CACNG2: variants seen among roughly 807,000 people sequenced by gnomAD.
CACNG2 encodes calcium voltage-gated channel auxiliary subunit gamma 2, also known as voltage-dependent calcium channel gamma-2 subunit.
In CACNG2, 3 loss-of-function variants were observed where a neutral mutation model predicts 25.9. The ratio of observed to expected loss-of-function variants is 0.12; its 90% CI spans 0.05 to 0.30. The LOEUF is 0.30. Among genes scored for constraint, CACNG2 ranks in the 10% least tolerant of loss-of-function variants. The probability of loss-of-function intolerance (pLI) is 1.00; values close to 1 mark genes in which losing one functional copy is unlikely to be tolerated. For missense variants in CACNG2, 341 were observed against 432.5 expected, an observed-to-expected ratio of 0.79 and a Z score of 1.88; for synonymous variants, 167 against 173.3, an observed-to-expected ratio of 0.96 and a Z score of 0.29.
In CACNG2 at chr22:36,561,990, C is replaced by T. The variant is rs897876013; in HGVS notation, c.*2361G>A. On this transcript the variant is annotated 3_prime_UTR_variant, in exon 4 of 4. Coordinates refer to ENST00000300105, the MANE Select transcript of CACNG2 (RefSeq NM_006078.5). ...CAGACCCCCAAAGACACTGGGGAAG[C>T]CCTGGTGGCAGAGCTCTTCTCCCAA... 1 of 152,284 alleles carries T rather than the reference C, an allele frequency of 6.6e-6. No homozygotes were observed. Among genetic ancestry groups the T allele is most frequent in the African/African-American group, 2.4e-5 (1 of 41,446 alleles). The allele number at this position is 152,284 out of a possible 1,614,324, so 9.4% of individuals were successfully genotyped here.
Position 36,564,619 on chromosome 22 carries a change from C to A in CACNG2, c.704G>T (p.Arg235Leu), listed in dbSNP as rs1471422099. The change falls in exon 4 of 4, where the codon CGC becomes CTC. Residue 235 changes from arginine to leucine, a missense_variant. By Grantham distance (102) the Arg-to-Leu change is moderately radical (BLOSUM62 -2). Transcript: ENST00000300105. This position sits in a 1 kb window ranked among gnomAD's most constrained non-coding sequence, Gnocchi z 6.7. ...RIPSYRYRYQ[R>L]RSRSSSRSTE... ...GGAGCGCGAGCTGGAGCGGCTGCGG[C>A]GCTGGTAGCGGTAGCGGTAGCTGGG... is the stretch of plus-strand genomic sequence containing the variant. 6.2e-7 allele frequency: 1 copy of A among 1,613,818 alleles called. No homozygotes were observed. Among genetic ancestry groups the A allele is most frequent in the South Asian group, 1.1e-5 (1 of 91,068 alleles).
chr22:36,629,934 C>T (rs764195037), intron 1 of CACNG2, among the ~76,000 whole-genome samples: 3 of 152,130 alleles, frequency 2.0e-5, no homozygotes, highest in Non-Finnish European at 4.4e-5. Context: ...GGCATGGGGG[C>T]GTAAAGGTAG....
intron 1 of CACNG2, among the ~76,000 whole-genome samples, chr22:36,631,125 G>A (rs533538846): frequency 1.6e-4 from 24 of 152,230 alleles, no homozygotes; most frequent in Admixed American, 1.1e-3. Flanking sequence ...CACCGTACCC[G>A]GCCCTCTTGA....
At chr22:36,614,702 T>A (rs1392414219) in intron 1 of CACNG2, among the ~76,000 whole-genome samples, 1 of 152,116 alleles carries the variant, frequency 6.6e-6, no homozygotes, top group Non-Finnish European at 1.5e-5. Flanking sequence ...TGTGATGCCA[T>A]AATCAATTTT....
At chr22:36,696,302 TC>T (rs1937339860) in intron 1 of CACNG2, among the ~76,000 whole-genome samples, 1 of 152,202 alleles carries the variant, frequency 6.6e-6, no homozygotes, top group Admixed American at 6.5e-5. Context: ...GTTCAGTCTC[TC>T]TTCCTCTCTC....
In CACNG2 at chr22:36,631,839, G is replaced by A. The variant is rs1256578477; in HGVS notation, c.212-44291C>T. 5.9e-5 allele frequency among the ~76,000 whole-genome samples: 9 copies of A among 151,914 alleles called. No homozygotes were observed. The East Asian group carries it at 9.7e-4, about 16-fold the overall frequency. On this transcript the variant is annotated intron_variant, in intron 1 of 3. Coordinates refer to ENST00000300105, the MANE Select transcript of CACNG2 (RefSeq NM_006078.5). ...ATGAGGGCCAGCGGGACAACCAGAT[G>A]GATCTTCCAGCAGAGACATGGGCTC...
In CACNG2 at chr22:36,606,308, T is replaced by C. The variant is rs1335114011; in HGVS notation, c.212-18760A>G. ...GCTGGTCGCCGGGAACAAGCTGCCA[T>C]GAGCCAGGCATGGGGCCAAGCACTT... On this transcript the variant is annotated intron_variant, in intron 1 of 3. Transcript: ENST00000300105. The surrounding 1 kb of genome is among the most constrained non-coding windows in gnomAD (Gnocchi z 5.7). Among the ~76,000 whole-genome samples, 1 of 152,200 alleles carries C rather than the reference T, an allele frequency of 6.6e-6. No individual in the cohort carries two copies. Among genetic ancestry groups the C allele is most frequent in the African/African-American group, 2.4e-5 (1 of 41,458 alleles).
Position 36,564,339 on chromosome 22 carries a change from G to A in CACNG2, c.*12C>T. 6.2e-7 allele frequency: 1 copy of A among 1,609,516 alleles called. No individual in the cohort carries two copies. Among genetic ancestry groups the A allele is most frequent in the East Asian group, 2.2e-5 (1 of 44,776 alleles). ...CCCTCCTCCCGCGGTCTTCTGGCGAGGCCCGCGGTCTTTATACGGGGGTGG... is the reference window on the plus strand; with the variant it reads ...CCCTCCTCCCGCGGTCTTCTGGCGAAGCCCGCGGTCTTTATACGGGGGTGG... On this transcript the variant is annotated 3_prime_UTR_variant, in exon 4 of 4. Transcript: ENST00000300105. The surrounding 1 kb of genome is among the most constrained non-coding windows in gnomAD (Gnocchi z 6.7).
At chr22:36,650,021 C>T (rs1857119008) in intron 1 of CACNG2, among the ~76,000 whole-genome samples, 1 of 152,216 alleles carries the variant, frequency 6.6e-6, no homozygotes, top group Admixed American at 6.5e-5. Context: ...TGTGGCTATC[C>T]CAGTCCACAC....
intron 1 of CACNG2, among the ~76,000 whole-genome samples, chr22:36,641,966 G>C (rs1936447978): frequency 6.6e-6 from 1 of 152,212 alleles, no homozygotes; most frequent in African/African-American, 2.4e-5. Flanking sequence ...CTTCTAACAA[G>C]ACCAGAGCTG....
intron 1 of CACNG2, among the ~76,000 whole-genome samples, chr22:36,653,789 G>A (rs1397324377): frequency 6.6e-6 from 1 of 152,162 alleles, no homozygotes; most frequent in African/African-American, 2.4e-5. Context: ...GACCAGGAGG[G>A]CATGGGCAAG....
In CACNG2 at chr22:36,564,712, C is replaced by T. The variant is rs1169099240; in HGVS notation, c.611G>A (p.Arg204Gln). ...GVLAVHMFIDRHKQLRATARA... is the reference protein window; with the variant it reads ...GVLAVHMFIDQHKQLRATARA... ...GGCCGTGGCCCGCAGCTGTTTGTGC[C>T]GGTCGATAAACATGTGCACCGCCAG... is the stretch of plus-strand genomic sequence containing the variant. The change falls in exon 4 of 4, where the codon CGG becomes CAG. Residue 204 changes from arginine (R) to glutamine (Q), a missense_variant. By Grantham distance (43) the Arg-to-Gln change is conservative (BLOSUM62 1). Coordinates refer to ENST00000300105, the MANE Select transcript of CACNG2 (RefSeq NM_006078.5). This position sits in a 1 kb window ranked among gnomAD's most constrained non-coding sequence, Gnocchi z 6.7. 6.2e-7 allele frequency: 1 copy of T among 1,614,108 alleles called. No homozygotes were observed. Among genetic ancestry groups the T allele is most frequent in the Non-Finnish European group, 8.5e-7 (1 of 1,180,030 alleles).
chr22:36,653,057 C>T (rs1029908777), intron 1 of CACNG2, among the ~76,000 whole-genome samples: 6 of 152,190 alleles, frequency 3.9e-5, no homozygotes, highest in Non-Finnish European at 8.8e-5. Context: ...TGCAGTGGCT[C>T]ATGCCTGTAA....
chr22:36,625,473 T>TC (rs1936170747), intron 1 of CACNG2, among the ~76,000 whole-genome samples: 1 of 152,138 alleles, frequency 6.6e-6, no homozygotes, highest in Non-Finnish European at 1.5e-5. Context: ...TTGGTTGGTG[T>TC]CCCCAGGGTC....
chr22:36,637,502 G>T (rs1206848426), intron 1 of CACNG2, among the ~76,000 whole-genome samples: 4 of 152,312 alleles, frequency 2.6e-5, no homozygotes, highest in Non-Finnish European at 4.4e-5. Flanking sequence ...CAGGGGGGCA[G>T]CTTGGAAGTC....
chr22:36,649,825 C>T (rs1039155767), intron 1 of CACNG2, among the ~76,000 whole-genome samples: 2 of 152,214 alleles, frequency 1.3e-5, no homozygotes, highest in African/African-American at 4.8e-5. Flanking sequence ...CCATGTAAGA[C>T]ATCCCTTTGC....
At chr22:36,619,500 C>A (rs1936074569) in intron 1 of CACNG2, among the ~76,000 whole-genome samples, 1 of 152,158 alleles carries the variant, frequency 6.6e-6, no homozygotes, top group Non-Finnish European at 1.5e-5. Flanking sequence ...TACGCTTTGT[C>A]CAATATGTAC....
intron 1 of CACNG2, among the ~76,000 whole-genome samples, chr22:36,602,438 T>C (rs936231632): frequency 2.0e-5 from 3 of 152,130 alleles, no homozygotes; most frequent in African/African-American, 7.2e-5. Flanking sequence ...CAGGCTGGAG[T>C]GCAGTGGTGC....
At chr22:36,618,438 C>T (rs577434783) in intron 1 of CACNG2, among the ~76,000 whole-genome samples, 22 of 152,358 alleles carry the variant, frequency 1.4e-4, no homozygotes, top group South Asian at 1.2e-3. Flanking sequence ...GCCTAAGCGC[C>T]GGCTCTACCT....
Sources: gnomAD v4.1 joint callset for allele counts (sites outside exome capture counted in the v4.1 genomes callset) on GRCh38, gnomAD v4.1.1 for gene constraint, Gnocchi (gnomAD v3.1) non-coding constraint, MANE v1.5 for transcripts, NCBI Gene and HGNC (gene_info 2026-07-23, HGNC 2026-07-21) for gene names.